Variants in GDPD4 observed in about 807,000 individuals in gnomAD.
The protein encoded by GDPD4 is glycerophosphodiester phosphodiesterase domain containing 4, also known as glycerophosphodiester phosphodiesterase 6.
In GDPD4, 60 loss-of-function variants were observed where a neutral mutation model predicts 67.8. The observed-to-expected ratio is 0.88, with a 90% confidence interval of 0.72 to 1.10. The LOEUF (loss-of-function observed/expected upper bound fraction) is 1.10, where lower values mean the gene tolerates loss of function less well. GDPD4 is among the 50% of genes least tolerant of loss of function. The probability of loss-of-function intolerance (pLI) is 0.00; values close to 1 mark genes in which losing one functional copy is unlikely to be tolerated. For synonymous variants in GDPD4, 212 were observed against 210.9 expected (o/e 1.00, Z -0.04); for missense variants, 623 against 613.9 (o/e 1.01, Z -0.16).
rs1958127061 is a variant in GDPD4 at position 77,216,703 on chromosome 11, A to ATTCT, written c.*570_*573dup. The ATTCT allele has an allele frequency of 1.8e-5, 10 of 568,014 alleles. No individual in the cohort carries two copies. The highest frequency in any genetic ancestry group is 3.1e-5 in the Non-Finnish European group (10 of 319,392). 35.2% of individuals were successfully genotyped at this position (568,014 alleles called of 1,614,324 possible). A position where few individuals can be genotyped will look rare whatever the true frequency, so the allele number is the denominator to read the frequency against. ...CCCCTTGCCTAGCCCCTTGAGATGC[A>ATTCT]TTCTTGATAGCGAGAGCACAATGGT... On this transcript the variant is annotated 3_prime_UTR_variant, in exon 17 of 17. Transcript: ENST00000315938.
intron 1 of GDPD4, among the ~76,000 whole-genome samples, chr11:77,299,033 G>A (rs1938073993): frequency 1.3e-5 from 2 of 151,800 alleles, no homozygotes; most frequent in Non-Finnish European, 2.9e-5. Context: ...ATTTGGACAA[G>A]ATAAAAAAAA....
intron 13 of GDPD4, among the ~76,000 whole-genome samples, chr11:77,234,137 C>T (rs567839354): frequency 1.3e-4 from 20 of 152,224 alleles, no homozygotes; most frequent in South Asian, 8.3e-4. Flanking sequence ...CTGTCATATA[C>T]GAGCTTAGTA....
intron 10 of GDPD4, among the ~76,000 whole-genome samples, chr11:77,261,909 C>A (rs956780529): frequency 6.6e-6 from 1 of 152,184 alleles, no homozygotes; most frequent in African/African-American, 2.4e-5. Flanking sequence ...TTGGCCCAGG[C>A]AGTTCTGAAT....
At chr11:77,227,323 G>A (rs995302070) in intron 16 of GDPD4, among the ~76,000 whole-genome samples, 61 of 152,286 alleles carry the variant, frequency 4.0e-4, no homozygotes, top group African/African-American at 1.4e-3. Context: ...TTCCAGGACC[G>A]CTGAAGTTTT....
chr11:77,224,776 G>A (rs576962172), intron 16 of GDPD4, among the ~76,000 whole-genome samples: 3 of 152,254 alleles, frequency 2.0e-5, no homozygotes, highest in South Asian at 4.1e-4. Flanking sequence ...AAGCTGCTAG[G>A]TTTGGAGTAA....
intron 10 of GDPD4, among the ~76,000 whole-genome samples, chr11:77,262,402 C>T (rs896774350): frequency 6.6e-6 from 1 of 152,142 alleles, no homozygotes; most frequent in African/African-American, 2.4e-5. Context: ...GCCATCCTCA[C>T]AGGGTTAACA....
intron 14 of GDPD4, among the ~76,000 whole-genome samples, chr11:77,232,564 C>T (rs1280334393): frequency 6.6e-6 from 1 of 152,212 alleles, no homozygotes; most frequent in Non-Finnish European, 1.5e-5. Context: ...TTAGGGCACA[C>T]AGTTTCCACT....
intron 16 of GDPD4, among the ~76,000 whole-genome samples, chr11:77,224,622 A>ACTT (rs1048419123): frequency 5.3e-5 from 8 of 152,180 alleles, no homozygotes; most frequent in African/African-American, 1.7e-4. Context: ...ACTATGAGGA[A>ACTT]CTTTTAATTC....
At chr11:77,300,890 G>A (rs959270548) in intron 1 of GDPD4, among the ~76,000 whole-genome samples, 2 of 152,118 alleles carry the variant, frequency 1.3e-5, no homozygotes, top group African/African-American at 4.8e-5. Context: ...ATAGAACTTG[G>A]TGTGACTAAT....
Position 77,274,437 on chromosome 11 carries a change from G to A in GDPD4, c.207+1724C>T, listed in dbSNP as rs116279284. Among the ~76,000 whole-genome samples, 469 of 152,260 alleles carry A rather than the reference G, an allele frequency of 3.1e-3. 4 individuals carry two copies. The highest frequency in any genetic ancestry group is 0.011 in the African/African-American group (448 of 41,540). ...GGCTTAGTGCTGTCCTTGCAGTAAT[G>A]AGTGGGTTCTCATTCTGTGAGTTCA... On this transcript the variant is annotated intron_variant, in intron 5 of 16. Coordinates refer to ENST00000315938, the MANE Select transcript of GDPD4 (RefSeq NM_182833.3).
At position 77,276,305 on chromosome 11, in the gene GDPD4, G is replaced by A. The variant is rs112973134; in HGVS notation, c.148-85C>T. The A allele has an allele frequency of 6.7e-4, 661 of 991,742 alleles. 3 individuals carry two copies. The African/African-American group carries it at 8.2e-3, about 12-fold the overall frequency. The allele number at this position is 991,742 out of a possible 1,614,324, so 61.4% of individuals were successfully genotyped here. A position where few individuals can be genotyped will look rare whatever the true frequency, so the allele number is the denominator to read the frequency against. On this transcript the variant is annotated intron_variant, in intron 4 of 16. Coordinates refer to ENST00000315938, the MANE Select transcript of GDPD4 (RefSeq NM_182833.3). ...CACTGTTCCTATAGCTCCAAATTCC[G>A]TTCACAGTCTAGCAGTACACTCATT...
intron 3 of GDPD4, among the ~76,000 whole-genome samples, chr11:77,283,759 A>G (rs1252421667): frequency 3.9e-5 from 6 of 152,088 alleles, no homozygotes; most frequent in Non-Finnish European, 1.5e-5. Context: ...ACATTATGCA[A>G]TATTACAATA....
At chr11:77,218,884 A>C (rs1227197258) in intron 16 of GDPD4, among the ~76,000 whole-genome samples, 2 of 151,960 alleles carry the variant, frequency 1.3e-5, no homozygotes, top group Non-Finnish European at 2.9e-5. Flanking sequence ...AACATGATTT[A>C]TAATCCTTTG....
intron 10 of GDPD4, among the ~76,000 whole-genome samples, chr11:77,266,782 A>AAT (rs1439282222): frequency 6.6e-6 from 1 of 152,240 alleles, no homozygotes; most frequent in Non-Finnish European, 1.5e-5. Context: ...CAGCTTAGAG[A>AAT]ATAAGGTTAT....
intron 11 of GDPD4, 145 bp downstream of exon 11, chr11:77,258,241 C>A (rs1042119785): frequency 2.2e-5 from 16 of 718,508 alleles, no homozygotes; most frequent in Non-Finnish European, 3.7e-5. Context: ...AGCCCTCCTG[C>A]CAATACTATA....
At position 77,299,148 on chromosome 11, in the gene GDPD4, C is replaced by T. The variant is rs114603526; in HGVS notation, c.-254+2457G>A. ...TGGACCCTCTTTATGAGACAGGGGC[C>T]GGAGGTAGCAGTTGCTAGGCAACAC... On this transcript the variant is annotated intron_variant, in intron 1 of 16. Transcript: ENST00000315938. Among the ~76,000 whole-genome samples, 933 of 152,252 alleles carry T rather than the reference C, an allele frequency of 6.1e-3. 12 individuals are homozygous for T. The highest frequency in any genetic ancestry group is 0.022 in the African/African-American group (894 of 41,534).
At position 77,216,869 on chromosome 11, in the gene GDPD4, A is replaced by G. The variant is rs145813486; in HGVS notation, c.*408T>C. 1.9e-3 allele frequency: 1,270 copies of G among 659,804 alleles called. 11 individuals are homozygous for G. In the East Asian group the frequency reaches 0.021, roughly 11 times the overall value. 40.9% of individuals were successfully genotyped at this position (659,804 alleles called of 1,614,324 possible). ...AACACAGAAGGCTATGTCAGATGCA[A>G]TGGAATATATTGTGACATAGGATTA... On this transcript the variant is annotated 3_prime_UTR_variant, in exon 17 of 17. Coordinates refer to ENST00000315938, the MANE Select transcript of GDPD4 (RefSeq NM_182833.3).
Position 77,229,224 on chromosome 11 carries a change from C to A in GDPD4, c.1398G>T (p.Lys466Asn). 1.9e-6 allele frequency: 3 copies of A among 1,596,750 alleles called. No individual in the cohort carries two copies. The highest frequency in any genetic ancestry group is 2.6e-6 in the Non-Finnish European group (3 of 1,170,422). Residue 466 changes from lysine to asparagine, a missense_variant, in exon 15 of 17, where the codon AAG becomes AAT. Physicochemically the swap from Lys to Asn is moderately conservative, Grantham distance 94. Transcript: ENST00000315938. Reference sequence around the variant, plus strand: ...CAAGGAGCCACATGAACACATAGAACTTTGGTGTCTGAAAAACATAAACCA... The same window carrying A: ...CAAGGAGCCACATGAACACATAGAAATTTGGTGTCTGAAAAACATAAACCA... The part of the protein sequence containing the change: ...LDHPHFFMTP[K>N]FYVFMWLLAD...
At chr11:77,227,841 G>A (rs763228418) in intron 16 of GDPD4, 23 bp downstream of exon 16, 3 of 1,591,146 alleles carry the variant, frequency 1.9e-6, no homozygotes, top group Non-Finnish European at 2.6e-6. Context: ...AGAGACAGGA[G>A]TGGGCTAGGC....
Sources: allele counts gnomAD v4.1 joint callset (sites outside exome capture counted in the v4.1 genomes callset), GRCh38; gene constraint gnomAD v4.1.1; transcripts MANE v1.5; gene names NCBI Gene and HGNC (gene_info 2026-07-23, HGNC 2026-07-21).